Variants in SYT7 observed in about 807,000 individuals in gnomAD.
SYT7 encodes synaptotagmin-7.
SYT7 carries 29 observed loss-of-function variants against 75.1 expected under a neutral mutation model. The observed-to-expected ratio is 0.39, with a 90% CI of 0.29 to 0.53. SYT7 has a LOEUF of 0.53. Ranked by LOEUF, SYT7 falls within the 20% of genes least tolerant of loss-of-function variation. The pLI, the probability that SYT7 is intolerant of heterozygous loss-of-function variation, is 0.77. For synonymous variants in SYT7, 376 were observed against 401.7 expected, an observed-to-expected ratio of 0.94 and a Z score of 0.76; for missense variants, 693 against 953.2, an observed-to-expected ratio of 0.73 and a Z score of 3.59.
Position 61,542,680 on chromosome 11 carries a change from G to A in SYT7, c.573-101C>T. The A allele has an allele frequency of 5.0e-6, 7 of 1,403,750 alleles. No individual in the cohort carries two copies. Among genetic ancestry groups the A allele is most frequent in the Non-Finnish European group, 6.5e-6 (7 of 1,085,230 alleles). 87.0% of individuals were successfully genotyped at this position (1,403,750 alleles called of 1,614,324 possible). On this transcript the variant is annotated intron_variant, in intron 5 of 12. Coordinates refer to ENST00000539008, the MANE Select transcript of SYT7 (RefSeq NM_001365809.2). This position sits in a 1 kb window ranked among gnomAD's most constrained non-coding sequence, Gnocchi z 7.8. ...GCCAGGACTAGGAGGCCCCAGTGCA[G>A]GGTGCGCGCTGCCGGACCTCGCCAG...
At chr11:61,566,661 C>T (rs1186716863) in intron 1 of SYT7, among the ~76,000 whole-genome samples, 1 of 152,094 alleles carries the variant, frequency 6.6e-6, no homozygotes, top group African/African-American at 2.4e-5. Flanking sequence ...GGCTCTTCAC[C>T]GGGAATGCGG....
chr11:61,551,808 C>T lies in SYT7; in HGVS notation c.136-345G>A, dbSNP rs1044843221. Among the ~76,000 whole-genome samples, 3 of 152,174 alleles carry T rather than the reference C, an allele frequency of 2.0e-5. No individual in the cohort carries two copies. The highest frequency in any genetic ancestry group is 7.2e-5 in the African/African-American group (3 of 41,436). ...CCCTCTGCCACGGACAGACGGCTCT[C>T]AGGCGCCTGGCCACGTCACACTGTC... On this transcript the variant is annotated intron_variant, in intron 2 of 12. Transcript: ENST00000539008. The surrounding 1 kb of genome is among the most constrained non-coding windows in gnomAD (Gnocchi z 5.3).
At chr11:61,582,410 A>G (rs767581003), upstream of SYT7, among the ~76,000 whole-genome samples, 6 of 151,928 alleles carry the variant, frequency 3.9e-5, no homozygotes, top group Non-Finnish European at 8.8e-5. Flanking sequence ...CACAGTGTGG[A>G]AGGCAGCCAG....
At chr11:61,577,616 C>T (rs1460088801) in intron 1 of SYT7, among the ~76,000 whole-genome samples, 2 of 152,252 alleles carry the variant, frequency 1.3e-5, no homozygotes, top group Non-Finnish European at 2.9e-5. Context: ...GTGGATCCTT[C>T]ACCTTGAGAG....
intron 6 of SYT7, among the ~76,000 whole-genome samples, chr11:61,539,354 T>G (rs2062975063): frequency 6.6e-6 from 1 of 152,142 alleles, no homozygotes; most frequent in Non-Finnish European, 1.5e-5. Flanking sequence ...CCAGGGTCTT[T>G]GCGAGGTTAC....
At chr11:61,556,860 G>A (rs2063513827) in intron 1 of SYT7, among the ~76,000 whole-genome samples, 1 of 151,958 alleles carries the variant, frequency 6.6e-6, no homozygotes, top group African/African-American at 2.4e-5. Flanking sequence ...ACTGGCCTCT[G>A]CACATTCCTA....
chr11:61,551,560 G>A lies in SYT7; in HGVS notation c.136-97C>T. Reference sequence around the variant, plus strand: ...CCGGAGGGGAAGGAGATAGACTGGAGTCGGGCCGTGGCAACAAGGCCAGGA... The same window carrying A: ...CCGGAGGGGAAGGAGATAGACTGGAATCGGGCCGTGGCAACAAGGCCAGGA... On this transcript the variant is annotated intron_variant, in intron 2 of 12. Transcript: ENST00000539008. This position sits in a 1 kb window ranked among gnomAD's most constrained non-coding sequence, Gnocchi z 5.3. 12 of 1,280,848 alleles carry A rather than the reference G, an allele frequency of 9.4e-6. No individual in the cohort carries two copies. In the South Asian group the frequency reaches 1.0e-4, roughly 11 times the overall value. The allele number at this position is 1,280,848 out of a possible 1,614,324, so 79.3% of individuals were successfully genotyped here. A position where few individuals can be genotyped will look rare whatever the true frequency, so the allele number is the denominator to read the frequency against.
chr11:61,518,896 C>A (rs1278423470), intron 12 of SYT7, among the ~76,000 whole-genome samples, 165 bp from the exon 13 acceptor site: 1 of 152,232 alleles, frequency 6.6e-6, no homozygotes, highest in South Asian at 2.1e-4. Context: ...CTCCCTCCCC[C>A]AGTCAGCCTG....
In SYT7 at chr11:61,547,266, C is replaced by T. The variant is rs1347643079; in HGVS notation, c.258G>A (p.Val86=). Reference sequence around the variant, plus strand: ...GAGGGTAGGAGCTCCATTTCTGCTGCACTGTGCTCTCATTGTTATTCCAAA... The same window carrying T: ...GAGGGTAGGAGCTCCATTTCTGCTGTACTGTGCTCTCATTGTTATTCCAAA... ...RDFWNNNEST[V]QQKWSSYPPK... Residue 86 remains valine (V), a synonymous_variant, in exon 4 of 13, where the codon GTG becomes GTA. Coordinates refer to ENST00000539008, the MANE Select transcript of SYT7 (RefSeq NM_001365809.2). The T allele has an allele frequency of 1.0e-5, 16 of 1,535,818 alleles. No individual in the cohort carries two copies. The highest frequency in any genetic ancestry group is 9.6e-5 in the African/African-American group (7 of 73,130).
At chr11:61,570,016 C>A (rs140919347) in intron 1 of SYT7, among the ~76,000 whole-genome samples, 7 of 152,236 alleles carry the variant, frequency 4.6e-5, no homozygotes, top group African/African-American at 1.7e-4. Flanking sequence ...GCCACCCCCT[C>A]GAGTAGGCTG....
chr11:61,520,022 G>A (rs2062265680), intron 12 of SYT7, among the ~76,000 whole-genome samples: 1 of 133,498 alleles, frequency 7.5e-6, no homozygotes, highest in South Asian at 2.1e-4. Flanking sequence ...GTTTCACTAT[G>A]TTGGGCAAAC....
In SYT7 at chr11:61,523,765, G is replaced by A. The variant is rs1004186144; in HGVS notation, c.1756+62C>T. The A allele has an allele frequency of 2.0e-6, 3 of 1,520,392 alleles. No individual in the cohort carries two copies. The highest frequency in any genetic ancestry group is 2.3e-5 in the South Asian group (2 of 87,066). 94.2% of individuals were successfully genotyped at this position (1,520,392 alleles called of 1,614,324 possible). On this transcript the variant is annotated intron_variant, in intron 11 of 12. Transcript: ENST00000539008. The surrounding 1 kb of genome is among the most constrained non-coding windows in gnomAD (Gnocchi z 5.0). ...GCAGACCCTGCTCTCCACATCCGGT[G>A]TAAACCTTGTGTCACCAGCACCTCC...
chr11:61,556,231 C>T, intron 1 of SYT7, 24 bp from the exon 2 acceptor site: 1 of 1,597,350 alleles, frequency 6.3e-7, no homozygotes, highest in Non-Finnish European at 8.5e-7. Context: ...GTACAGGTCA[C>T]ACCCTCATTG....
chr11:61,522,054 C>A (rs756124114), intron 12 of SYT7, among the ~76,000 whole-genome samples: 19 of 152,184 alleles, frequency 1.2e-4, no homozygotes, highest in Non-Finnish European at 2.8e-4. Flanking sequence ...ATGCTCTCAA[C>A]ACTAAACCAT....
rs2062167152 is a variant in SYT7 at position 61,517,101 on chromosome 11, C to T, written c.*1526G>A. ...ACGGCCACAGACTGTGGGGGCCTGG[C>T]GCCACCTGGCGGTAGTTCTGGGAAT... On this transcript the variant is annotated 3_prime_UTR_variant, in exon 13 of 13. Coordinates refer to ENST00000539008, the MANE Select transcript of SYT7 (RefSeq NM_001365809.2). The T allele has an allele frequency of 5.1e-6, 2 of 395,366 alleles. No individual in the cohort carries two copies. Among genetic ancestry groups the T allele is most frequent in the East Asian group, 3.6e-5 (1 of 27,940 alleles). 24.5% of individuals were successfully genotyped at this position (395,366 alleles called of 1,614,324 possible).
intron 1 of SYT7, among the ~76,000 whole-genome samples, chr11:61,569,114 C>G (rs1392202222): frequency 6.6e-6 from 1 of 152,150 alleles, no homozygotes; most frequent in Non-Finnish European, 1.5e-5. Flanking sequence ...ACTCCTACTC[C>G]CCGGGGTCCA....
At chr11:61,583,816 G>C (rs1238795400), upstream of SYT7, among the ~76,000 whole-genome samples, 1 of 152,210 alleles carries the variant, frequency 6.6e-6, no homozygotes. Context: ...GGGGCATTGG[G>C]AATCTTGGGT....
chr11:61,581,353 G>T (rs1467254127), upstream of SYT7, among the ~76,000 whole-genome samples: 1 of 151,478 alleles, frequency 6.6e-6, no homozygotes, highest in Admixed American at 6.6e-5. Flanking sequence ...CGTCCGGCCA[G>T]GGGATCCGGC....
Position 61,533,508 on chromosome 11 carries a change from G to C in SYT7, c.1065-384C>G, listed in dbSNP as rs929282303. The C allele has an allele frequency of 4.1e-6, 4 of 985,308 alleles. No individual in the cohort carries two copies. The South Asian group carries it at 1.4e-4, about 35-fold the overall frequency. 61.0% of individuals were successfully genotyped at this position (985,308 alleles called of 1,614,324 possible). ...ATCCCATCCGCCCCCAGCCTGGAAGGGGGAGGCTCCACCGTGGTGTGGTGT... is the reference window on the plus strand; with the variant it reads ...ATCCCATCCGCCCCCAGCCTGGAAGCGGGAGGCTCCACCGTGGTGTGGTGT... On this transcript the variant is annotated intron_variant, in intron 7 of 12. Coordinates refer to ENST00000539008, the MANE Select transcript of SYT7 (RefSeq NM_001365809.2).
Sources: allele counts gnomAD v4.1 joint callset (sites outside exome capture counted in the v4.1 genomes callset), GRCh38; gene constraint gnomAD v4.1.1; non-coding constraint Gnocchi (gnomAD v3.1); transcripts MANE v1.5; gene names NCBI Gene and HGNC (gene_info 2026-07-23, HGNC 2026-07-21).